SLC9A9: variants seen among roughly 807,000 people sequenced by gnomAD.
The protein encoded by SLC9A9 is solute carrier family 9 member A9.
Under a neutral mutation model 77.8 loss-of-function variants are expected in SLC9A9, and 62 were observed. That is an observed-to-expected ratio of 0.80 (90% CI 0.65 to 0.98). The LOEUF is 0.98. Ranked by LOEUF, SLC9A9 falls within the 50% of genes least tolerant of loss-of-function variation. SLC9A9 has a pLI of 0.00. For missense variants in SLC9A9, 775 were observed against 774.9 expected (o/e 1.00, Z 0.00); for synonymous variants, 320 against 283.5 (o/e 1.13, Z -1.29).
chr3:143,395,795 A>G (rs1213584506), intron 12 of SLC9A9, among the ~76,000 whole-genome samples: 1 of 152,268 alleles, frequency 6.6e-6, no homozygotes, highest in Non-Finnish European at 1.5e-5. Context: ...AAAGGATATG[A>G]ACAGACACTT....
At chr3:143,700,344 A>G (rs1417361210) in intron 4 of SLC9A9, among the ~76,000 whole-genome samples, 2 of 152,178 alleles carry the variant, frequency 1.3e-5, no homozygotes, top group Non-Finnish European at 1.5e-5. Context: ...CACCTCAGGT[A>G]TCTGCTCAGC....
At chr3:143,378,241 AGGAGTGG>A (rs2033225859) in intron 13 of SLC9A9, among the ~76,000 whole-genome samples, 4 of 152,252 alleles carry the variant, frequency 2.6e-5, no homozygotes, top group African/African-American at 7.2e-5. Flanking sequence ...TTAGTGCCGT[AGGAGTGG>A]GTACCAAGAA....
At chr3:143,586,614 G>A (rs192971588) in intron 6 of SLC9A9, among the ~76,000 whole-genome samples, 2 of 152,262 alleles carry the variant, frequency 1.3e-5, no homozygotes, top group African/African-American at 2.4e-5. Context: ...GTACCAACCT[G>A]CCCTTTCTCA....
At chr3:143,695,656 T>G (rs969611437) in intron 4 of SLC9A9, among the ~76,000 whole-genome samples, 2 of 152,196 alleles carry the variant, frequency 1.3e-5, no homozygotes, top group Non-Finnish European at 2.9e-5. Flanking sequence ...TGTATGCATG[T>G]GTCTTTATAG....
chr3:143,347,314 G>A (rs544651578), intron 14 of SLC9A9, among the ~76,000 whole-genome samples: 20 of 152,228 alleles, frequency 1.3e-4, no homozygotes, highest in Admixed American at 3.3e-4. Flanking sequence ...TCAGATGGCA[G>A]TTGTGGGAAA....
At chr3:143,278,257 G>A (rs920631833) in intron 14 of SLC9A9, among the ~76,000 whole-genome samples, 6 of 152,286 alleles carry the variant, frequency 3.9e-5, no homozygotes, top group South Asian at 2.1e-4. Context: ...GTGCTTACAC[G>A]GGGAGGAAGA....
intron 12 of SLC9A9, among the ~76,000 whole-genome samples, chr3:143,452,160 C>T (rs1018679534): frequency 1.3e-5 from 2 of 151,968 alleles, no homozygotes; most frequent in African/African-American, 4.8e-5. Flanking sequence ...TAAGTATCCT[C>T]CCACAGATTA....
chr3:143,778,849 T>C (rs1336743803), intron 4 of SLC9A9, among the ~76,000 whole-genome samples: 1 of 152,154 alleles, frequency 6.6e-6, no homozygotes. Context: ...TCCTGAAAAG[T>C]ATAATTTGGG....
chr3:143,511,067 G>T (rs1295490987), intron 9 of SLC9A9, among the ~76,000 whole-genome samples: 1 of 152,140 alleles, frequency 6.6e-6, no homozygotes, highest in East Asian at 1.9e-4. Context: ...GAATTTGGGG[G>T]TGCAGAAGAT....
At chr3:143,657,169 C>G (rs1445305780) in intron 5 of SLC9A9, among the ~76,000 whole-genome samples, 1 of 152,104 alleles carries the variant, frequency 6.6e-6, no homozygotes, top group East Asian at 1.9e-4. Flanking sequence ...TCCTAGAATA[C>G]AAGTGAAAAG....
chr3:143,679,709 T>C (rs952703862), intron 5 of SLC9A9, among the ~76,000 whole-genome samples: 1 of 152,132 alleles, frequency 6.6e-6, no homozygotes, highest in African/African-American at 2.4e-5. Flanking sequence ...GCCAATTCAA[T>C]AGTTGATACT....
intron 13 of SLC9A9, among the ~76,000 whole-genome samples, chr3:143,379,068 A>G (rs2033243019): frequency 6.6e-6 from 1 of 151,608 alleles, no homozygotes; most frequent in Non-Finnish European, 1.5e-5. Flanking sequence ...CTTGATTTTG[A>G]GAGTGTATAA....
At chr3:143,293,083 A>G (rs2030086011) in intron 14 of SLC9A9, among the ~76,000 whole-genome samples, 1 of 152,150 alleles carries the variant, frequency 6.6e-6, no homozygotes. Context: ...AGTGTGTTTA[A>G]GGTTACGCAT....
At chr3:143,322,716 G>A (rs1236237751) in intron 14 of SLC9A9, among the ~76,000 whole-genome samples, 2 of 152,098 alleles carry the variant, frequency 1.3e-5, no homozygotes, top group African/African-American at 4.8e-5. Context: ...GAATATTTCT[G>A]GTGTATTAAC....
intron 5 of SLC9A9, among the ~76,000 whole-genome samples, chr3:143,653,581 G>C (rs1360554523): frequency 6.6e-6 from 1 of 152,068 alleles, no homozygotes; most frequent in Non-Finnish European, 1.5e-5. Context: ...GGTTTTATAA[G>C]TAGGATTAAG....
chr3:143,518,185 C>T (rs2036235184), intron 9 of SLC9A9: 4 of 1,599,332 alleles, frequency 2.5e-6, no homozygotes, highest in Non-Finnish European at 3.4e-6. Flanking sequence ...CCTCCTTACA[C>T]ATTTTCACAA....
chr3:143,382,117 G>A lies in SLC9A9; in HGVS notation c.1470-3C>T. 2 of 1,614,086 alleles carry A rather than the reference G, an allele frequency of 1.2e-6. No individual in the cohort carries two copies. The highest frequency in any genetic ancestry group is 3.3e-4 in the Middle Eastern group (2 of 6,062). On this transcript the variant is annotated splice_region_variant and splice_polypyrimidine_tract_variant and intron_variant, in intron 12 of 15. Transcript: ENST00000316549. Reference sequence around the variant, plus strand: ...TTTCATCCAGGTCCACGCCAACTCTGTTAAACAAAACCAAAAACTGGTCAA... The same window carrying A: ...TTTCATCCAGGTCCACGCCAACTCTATTAAACAAAACCAAAAACTGGTCAA...
At chr3:143,732,193 T>C (rs1017290772) in intron 4 of SLC9A9, among the ~76,000 whole-genome samples, 1 of 152,244 alleles carries the variant, frequency 6.6e-6, no homozygotes, top group Non-Finnish European at 1.5e-5. Flanking sequence ...CCTCAACAGG[T>C]AAGCACACTG....
At chr3:143,351,576 C>CAGTGGGATATCTTCCAAAG (rs2032457035) in intron 14 of SLC9A9, among the ~76,000 whole-genome samples, 4 of 152,122 alleles carry the variant, frequency 2.6e-5, no homozygotes, top group South Asian at 4.2e-4. Context: ...ACCCATTCCA[C>CAGTGGGATATCTTCCAAAG]AGTGGGATAT....
Sources: allele counts gnomAD v4.1 joint callset (sites outside exome capture counted in the v4.1 genomes callset), GRCh38; gene constraint gnomAD v4.1.1; transcripts MANE v1.5; gene names NCBI Gene and HGNC (gene_info 2026-07-23, HGNC 2026-07-21).